The following MMP26 variants were observed in gnomAD, a reference collection of about 807,000 sequenced individuals.
MMP26 encodes matrix metallopeptidase 26, also known as matrix metalloproteinase-26.
In MMP26, 33 loss-of-function variants were observed where a neutral mutation model predicts 31.0. The observed-to-expected ratio is 1.06, with a 90% CI of 0.81 to 1.42. The LOEUF is 1.42. MMP26 is among the 40% of genes most tolerant of loss of function. The pLI, the probability that MMP26 is intolerant of heterozygous loss-of-function variation, is 0.00. For synonymous variants in MMP26, 122 were observed against 114.9 expected, an observed-to-expected ratio of 1.06 and a Z score of -0.40; for missense variants, 347 against 316.1, an observed-to-expected ratio of 1.10 and a Z score of -0.74.
At chr11:4,800,299 G>A (rs1485656088) in intron 2 of MMP26, among the ~76,000 whole-genome samples, 1 of 152,236 alleles carries the variant, frequency 6.6e-6, no homozygotes. Context: ...CTTTCTGTGT[G>A]CCTGCAGACT....
At chr11:4,802,710 A>AT (rs1469124063) in intron 2 of MMP26, among the ~76,000 whole-genome samples, 4 of 152,126 alleles carry the variant, frequency 2.6e-5, no homozygotes, top group Middle Eastern at 6.3e-3. Context: ...CCAAGCAGCT[A>AT]TTTTTTATCA....
intron 1 of MMP26, chr11:4,718,819 A>G (rs908298002): frequency 6.3e-5 from 10 of 159,240 alleles, no homozygotes; most frequent in Middle Eastern, 5.1e-4. Flanking sequence ...CATGCTGTCC[A>G]CCACTGACCT....
chr11:4,990,348 T>C (rs922346494), intron 4 of MMP26, among the ~76,000 whole-genome samples: 2 of 152,208 alleles, frequency 1.3e-5, no homozygotes, highest in Non-Finnish European at 2.9e-5. Flanking sequence ...CAGATAGGAC[T>C]GTCATTCTTA....
chr11:4,769,685 G>C lies in MMP26; in HGVS notation c.-145+2344G>C, dbSNP rs376525158. 1.4e-5 allele frequency: 22 copies of C among 1,612,884 alleles called. No individual in the cohort carries two copies. The African/African-American group carries it at 2.8e-4, about 21-fold the overall frequency. Reference sequence around the variant, plus strand: ...GATACCTAATGTTGTTGACAATGAAGAAACAGTCAAGCCCAGATCAGTGGC... The same window carrying C: ...GATACCTAATGTTGTTGACAATGAACAAACAGTCAAGCCCAGATCAGTGGC... On this transcript the variant is annotated intron_variant, in intron 2 of 7. Transcript: ENST00000380390.
At chr11:4,870,216 T>C (rs1222025144) in intron 2 of MMP26, among the ~76,000 whole-genome samples, 2 of 152,048 alleles carry the variant, frequency 1.3e-5, no homozygotes, top group African/African-American at 4.8e-5. Context: ...GAACTTAAAG[T>C]ATGATAATAA....
chr11:4,783,788 G>A (rs1327250452), intron 2 of MMP26, among the ~76,000 whole-genome samples: 1 of 152,166 alleles, frequency 6.6e-6, no homozygotes, highest in Non-Finnish European at 1.5e-5. Context: ...AGTCTCACAA[G>A]ATCTGATGGT....
At chr11:4,917,436 G>T (rs888943016) in intron 2 of MMP26, among the ~76,000 whole-genome samples, 20 of 152,298 alleles carry the variant, frequency 1.3e-4, no homozygotes, top group African/African-American at 4.3e-4. Context: ...GGCAGAGCTA[G>T]CTCAACAGGC....
chr11:4,711,221 A>T (rs1024233547), intron 1 of MMP26: 1 of 152,228 alleles, frequency 6.6e-6, no homozygotes, highest in African/African-American at 2.4e-5. Context: ...ATAAAACATA[A>T]AATACAATGC....
chr11:4,990,659 G>C lies in MMP26; in HGVS notation c.382G>C (p.Val128Leu). 2 of 1,614,122 alleles carry C rather than the reference G, an allele frequency of 1.2e-6. No individual in the cohort carries two copies. The highest frequency in any genetic ancestry group is 2.2e-5 in the South Asian group (2 of 91,084). The change falls in exon 5 of 8, where the codon GTT becomes CTT. Residue 128 changes from valine (V) to leucine (L), a missense_variant. Coordinates refer to ENST00000380390, the MANE Select transcript of MMP26 (RefSeq NM_021801.5). ...AGTGAAAGACAGTATATATAATGCA[G>C]TTTCCATCTGGAGCAATGTGACCCC... ...SAVKDSIYNA[V>L]SIWSNVTPLI...
intron 2 of MMP26, among the ~76,000 whole-genome samples, chr11:4,868,607 A>G (rs1490081626): frequency 1.3e-5 from 2 of 152,300 alleles, no homozygotes; most frequent in Non-Finnish European, 2.9e-5. Flanking sequence ...GCTCTTTGAT[A>G]GGAAGAATCG....
intron 2 of MMP26, among the ~76,000 whole-genome samples, chr11:4,941,086 C>A (rs1379753255): frequency 6.6e-6 from 1 of 152,184 alleles, no homozygotes; most frequent in African/African-American, 2.4e-5. Flanking sequence ...ATAGGATAAG[C>A]CATTTGCTAG....
intron 4 of MMP26, 78 bp downstream of exon 4, chr11:4,989,946 G>A (rs189394323): frequency 2.0e-4 from 235 of 1,173,078 alleles, no homozygotes; most frequent in Middle Eastern, 7.9e-4. Context: ...TCTCCTGGAG[G>A]TACCTCTACT....
intron 1 of MMP26, among the ~76,000 whole-genome samples, chr11:4,713,435 T>A (rs955491734): frequency 2.6e-5 from 4 of 152,094 alleles, no homozygotes; most frequent in Non-Finnish European, 5.9e-5. Context: ...TGCTCCATTG[T>A]CTCCTGACAG....
At chr11:4,731,185 C>T (rs184660906) in intron 1 of MMP26, among the ~76,000 whole-genome samples, 18 of 152,146 alleles carry the variant, frequency 1.2e-4, no homozygotes, top group Non-Finnish European at 2.2e-4. Flanking sequence ...CTCAGGTGAC[C>T]GCCTCAGCCT....
At chr11:4,881,917 C>T (rs979500190) in intron 2 of MMP26, 1 of 1,612,650 alleles carries the variant, frequency 6.2e-7, no homozygotes. Context: ...TATTCAATAA[C>T]ACCACTTCGT....
At chr11:4,733,376 A>C (rs4298902) in intron 1 of MMP26, among the ~76,000 whole-genome samples, 96,824 of 152,064 alleles carry the variant, frequency 0.64, 32,792 homozygotes, top group African/African-American at 0.86. Flanking sequence ...TTTCAGTGTG[A>C]AAGTCTTATG....
chr11:4,882,206 A>G (rs774144726), intron 2 of MMP26: 2 of 1,613,760 alleles, frequency 1.2e-6, no homozygotes, highest in East Asian at 2.2e-5. Flanking sequence ...CTTCATTCAA[A>G]TGTTCTTTGT....
intron 2 of MMP26, among the ~76,000 whole-genome samples, chr11:4,825,782 G>A (rs548548723): frequency 3.3e-5 from 5 of 152,210 alleles, no homozygotes; most frequent in African/African-American, 1.2e-4. Context: ...GCATGTTAAT[G>A]ATAATGTGCT....
chr11:4,961,507 C>G (rs1457998408), intron 2 of MMP26, among the ~76,000 whole-genome samples: 1 of 152,178 alleles, frequency 6.6e-6, no homozygotes, highest in Non-Finnish European at 1.5e-5. Context: ...CAAGTTGACA[C>G]CTAAAATTAA....
Sources: allele counts gnomAD v4.1 joint callset (sites outside exome capture counted in the v4.1 genomes callset), GRCh38; gene constraint gnomAD v4.1.1; transcripts MANE v1.5; gene names NCBI Gene and HGNC (gene_info 2026-07-23, HGNC 2026-07-21).